The following UGT8 variants were observed in gnomAD, a reference collection of about 807,000 sequenced individuals.
The protein encoded by UGT8 is 2-hydroxyacylsphingosine 1-beta-galactosyltransferase.
In UGT8, 12 loss-of-function variants were observed where a neutral mutation model predicts 40.5. That is an observed-to-expected ratio of 0.30 (90% CI 0.19 to 0.48). The LOEUF is 0.48. Among genes scored for constraint, UGT8 ranks in the 20% least tolerant of loss-of-function variants. The probability of loss-of-function intolerance (pLI) is 0.99; values close to 1 mark genes in which losing one functional copy is unlikely to be tolerated. For synonymous variants in UGT8, 224 were observed against 240.4 expected (o/e 0.93, Z 0.63); for missense variants, 513 against 648.7 (o/e 0.79, Z 2.27).
chr4:114,607,599 A>T (rs541761697), intron 1 of UGT8, among the ~76,000 whole-genome samples: 1 of 152,276 alleles, frequency 6.6e-6, no homozygotes, highest in Admixed American at 6.5e-5. Context: ...AGATGATTCA[A>T]AAAGCTGTAT....
At position 114,658,499 on chromosome 4, in the gene UGT8, C is replaced by T. The variant is rs113106193; in HGVS notation, c.823-5496C>T. ...GAGATCTGGAGTGCAAACATGACAGCCTAGTGTGTCCCCACACCTCAGACC... is the reference window on the plus strand; with the variant it reads ...GAGATCTGGAGTGCAAACATGACAGTCTAGTGTGTCCCCACACCTCAGACC... On this transcript the variant is annotated intron_variant, in intron 2 of 5. Transcript: ENST00000310836. 7.5e-3 allele frequency among the ~76,000 whole-genome samples: 1,137 copies of T among 152,240 alleles called. 17 individuals are homozygous for T. The highest frequency in any genetic ancestry group is 0.026 in the African/African-American group (1,084 of 41,538).
At chr4:114,598,791 T>A (rs2126079352), upstream of UGT8, 1 of 152,182 alleles carries the variant, frequency 6.6e-6, no homozygotes, top group Non-Finnish European at 1.5e-5. Flanking sequence ...AAAGCATTGC[T>A]ATCAACTGTG....
At chr4:114,624,136 G>A (rs1307029962) in intron 2 of UGT8, among the ~76,000 whole-genome samples, 3 of 152,156 alleles carry the variant, frequency 2.0e-5, no homozygotes, top group Admixed American at 6.5e-5. Flanking sequence ...GTTCTTCTCT[G>A]GGAGGTTATT....
intron 2 of UGT8, among the ~76,000 whole-genome samples, chr4:114,653,649 G>A (rs1431342670): frequency 6.6e-6 from 1 of 151,980 alleles, no homozygotes; most frequent in Non-Finnish European, 1.5e-5. Flanking sequence ...ACCTTTAATT[G>A]CCTGTCACTA....
Position 114,643,972 on chromosome 4 carries a change from T to C in UGT8, c.823-20023T>C, listed in dbSNP as rs530445036. Reference sequence around the variant, plus strand: ...CTGCAAATTGCTGTGACCTCGCGTGTGAACAATTGCAGCGCCTACTACCCT... The same window carrying C: ...CTGCAAATTGCTGTGACCTCGCGTGCGAACAATTGCAGCGCCTACTACCCT... On this transcript the variant is annotated intron_variant, in intron 2 of 5. Coordinates refer to ENST00000310836, the MANE Select transcript of UGT8 (RefSeq NM_001128174.3). Among the ~76,000 whole-genome samples, 3 of 152,292 alleles carry C rather than the reference T, an allele frequency of 2.0e-5. No homozygotes were observed. In the South Asian group the frequency reaches 6.2e-4, roughly 32 times the overall value.
intron 5 of UGT8, among the ~76,000 whole-genome samples, chr4:114,673,410 A>G (rs534567864): frequency 6.6e-6 from 1 of 152,212 alleles, no homozygotes; most frequent in Non-Finnish European, 1.5e-5. Flanking sequence ...TTAGCAATCC[A>G]GCTTTATAAG....
Position 114,675,995 on chromosome 4 carries a change from A to C in UGT8, c.1333A>C (p.Ile445Leu). 1 of 1,614,138 alleles carries C rather than the reference A, an allele frequency of 6.2e-7. No individual in the cohort carries two copies. ...ACCTGGTCACCCTGTCAATCGAACTATCTATTGGATAGATTATATTATTCG... is the reference window on the plus strand; with the variant it reads ...ACCTGGTCACCCTGTCAATCGAACTCTCTATTGGATAGATTATATTATTCG... ...DQPGHPVNRT[I>L]YWIDYIIRHN... The change falls in exon 6 of 6, where the codon ATC (isoleucine) becomes CTC (leucine). Residue 445 changes from isoleucine (I) to leucine (L), a missense_variant. By Grantham distance (5) the Ile-to-Leu change is conservative. Coordinates refer to ENST00000310836, the MANE Select transcript of UGT8 (RefSeq NM_001128174.3).
At chr4:114,666,461 C>T (rs1009009749) in intron 4 of UGT8, among the ~76,000 whole-genome samples, 1 of 151,996 alleles carries the variant, frequency 6.6e-6, no homozygotes, top group Non-Finnish European at 1.5e-5. Flanking sequence ...TTATTTTCAT[C>T]TAGCTTATTA....
At chr4:114,659,465 T>C (rs749190207) in intron 2 of UGT8, among the ~76,000 whole-genome samples, 5 of 152,220 alleles carry the variant, frequency 3.3e-5, no homozygotes, top group Non-Finnish European at 7.3e-5. Flanking sequence ...ATTTGGTCCC[T>C]TATTGTGATC....
At chr4:114,662,686 G>C (rs1734615742) in intron 2 of UGT8, among the ~76,000 whole-genome samples, 1 of 151,778 alleles carries the variant, frequency 6.6e-6, no homozygotes, top group Admixed American at 6.6e-5. Flanking sequence ...GTACAATAGA[G>C]AAAGTTAATA....
At chr4:114,668,686 G>A (rs564996376) in intron 5 of UGT8, among the ~76,000 whole-genome samples, 3 of 152,298 alleles carry the variant, frequency 2.0e-5, no homozygotes, top group African/African-American at 7.2e-5. Flanking sequence ...TGGAACTTGA[G>A]TAATTTGGCT....
At chr4:114,619,482 A>G (rs1456671942) in intron 1 of UGT8, 6 of 151,974 alleles carry the variant, frequency 3.9e-5, no homozygotes, top group Admixed American at 3.9e-4. Context: ...AAAAGTTAAA[A>G]CTCTTATAAT....
intron 1 of UGT8, among the ~76,000 whole-genome samples, chr4:114,609,322 A>G (rs1299886296): frequency 6.6e-6 from 1 of 152,240 alleles, no homozygotes; most frequent in Non-Finnish European, 1.5e-5. Flanking sequence ...GCTAGGTAAG[A>G]TTATTAATCA....
At chr4:114,620,555 A>G (rs1390680440) in intron 1 of UGT8, among the ~76,000 whole-genome samples, 1 of 152,216 alleles carries the variant, frequency 6.6e-6, no homozygotes, top group Non-Finnish European at 1.5e-5. Context: ...TTACTATAGA[A>G]TCAGTATCTT....
chr4:114,644,305 G>T (rs1336952625), intron 2 of UGT8, among the ~76,000 whole-genome samples: 1 of 152,168 alleles, frequency 6.6e-6, no homozygotes, highest in Admixed American at 6.5e-5. Context: ...CTAATAACCA[G>T]ATTAGGAATA....
chr4:114,655,480 C>G (rs1193906660), intron 2 of UGT8, among the ~76,000 whole-genome samples: 1 of 151,842 alleles, frequency 6.6e-6, no homozygotes, highest in Non-Finnish European at 1.5e-5. Context: ...AACCATGTTT[C>G]TCATGTGGAA....
intron 1 of UGT8, among the ~76,000 whole-genome samples, chr4:114,620,636 C>G (rs1303741573): frequency 1.3e-5 from 2 of 152,062 alleles, no homozygotes; most frequent in African/African-American, 2.4e-5. Flanking sequence ...TTGTAATGTG[C>G]ATTACTTTTA....
chr4:114,666,077 C>A, intron 4 of UGT8, among the ~76,000 whole-genome samples: 1 of 151,982 alleles, frequency 6.6e-6, no homozygotes, highest in East Asian at 1.9e-4. Context: ...TAAGATTATA[C>A]CTAATTAGAG....
At chr4:114,665,231 A>AT (rs1038065818) in intron 3 of UGT8, among the ~76,000 whole-genome samples, 1 of 152,126 alleles carries the variant, frequency 6.6e-6, no homozygotes, top group African/African-American at 2.4e-5. Context: ...GAACTTACTG[A>AT]TTTTTTTCAA....
Sources: gnomAD v4.1 joint callset for allele counts (sites outside exome capture counted in the v4.1 genomes callset) on GRCh38, gnomAD v4.1.1 for gene constraint, MANE v1.5 for transcripts, NCBI Gene and HGNC (gene_info 2026-07-23, HGNC 2026-07-21) for gene names.